Variants in VAV3 observed in about 807,000 individuals in gnomAD.
The protein encoded by VAV3 is vav guanine nucleotide exchange factor 3, also known as guanine nucleotide exchange factor VAV3.
Under a neutral mutation model 131.2 loss-of-function variants are expected in VAV3, and 94 were observed. The ratio of observed to expected loss-of-function variants is 0.72; its 90% confidence interval spans 0.61 to 0.85. The LOEUF (loss-of-function observed/expected upper bound fraction) is 0.85, where lower values mean the gene tolerates loss of function less well. VAV3 is among the 40% of genes least tolerant of loss of function. The pLI, the probability that VAV3 is intolerant of heterozygous loss-of-function variation, is 0.00. For missense variants in VAV3, 939 were observed against 1,002.7 expected (o/e 0.94, Z 0.86); for synonymous variants, 349 against 342.0 (o/e 1.02, Z -0.22).
chr1:107,615,472 G>T (rs1451212313), intron 21 of VAV3, among the ~76,000 whole-genome samples: 1 of 152,108 alleles, frequency 6.6e-6, no homozygotes, highest in Non-Finnish European at 1.5e-5. Flanking sequence ...GAAGACAAAT[G>T]TAAATCCTAA....
intron 19 of VAV3, among the ~76,000 whole-genome samples, chr1:107,643,149 C>T (rs972393670): frequency 6.6e-6 from 1 of 152,164 alleles, no homozygotes; most frequent in African/African-American, 2.4e-5. Context: ...CTGATTTCAT[C>T]ACTGAGGAGG....
rs369192444 is a variant in VAV3, at chr1:107,777,187, A to G, written c.446+44T>C. ...CACAGTTAAAACCCACAATGGACAC[A>G]TAAATTGGCAGTGGCTAAATTTTGC... On this transcript the variant is annotated intron_variant, in intron 4 of 26. Transcript: ENST00000370056. 5 of 1,551,990 alleles carry G rather than the reference A, an allele frequency of 3.2e-6. No homozygotes were observed. In the African/African-American group the frequency reaches 6.8e-5, roughly 21 times the overall value.
chr1:107,774,462 G>C (rs1294831039), intron 4 of VAV3, among the ~76,000 whole-genome samples: 1 of 152,228 alleles, frequency 6.6e-6, no homozygotes, highest in Non-Finnish European at 1.5e-5. Flanking sequence ...CACAAGACTG[G>C]TCTAGAACTG....
intron 22 of VAV3, among the ~76,000 whole-genome samples, chr1:107,606,515 C>T (rs1205472198): frequency 6.6e-6 from 1 of 151,992 alleles, no homozygotes; most frequent in Non-Finnish European, 1.5e-5. Flanking sequence ...TAATTGCTGC[C>T]CTTGGTTTTC....
intron 22 of VAV3, among the ~76,000 whole-genome samples, chr1:107,604,496 A>G (rs1431997814): frequency 6.6e-6 from 1 of 152,138 alleles, no homozygotes; most frequent in African/African-American, 2.4e-5. Context: ...CTTCATCACT[A>G]GTCTCCAGCC....
At chr1:107,872,369 T>C (rs940265624) in intron 2 of VAV3, among the ~76,000 whole-genome samples, 2 of 152,194 alleles carry the variant, frequency 1.3e-5, no homozygotes, top group South Asian at 2.1e-4. Flanking sequence ...CAAATACACA[T>C]GAATTCCAGA....
At chr1:107,847,067 A>G (rs569691605) in intron 2 of VAV3, among the ~76,000 whole-genome samples, 3 of 152,316 alleles carry the variant, frequency 2.0e-5, no homozygotes, top group East Asian at 3.9e-4. Flanking sequence ...ATCATAAAAA[A>G]CAGTCTCTCA....
In VAV3 at chr1:107,634,914, A is replaced by T. The variant is rs564581028; in HGVS notation, c.1914+7705T>A. ...TCAGAGAAATGCAAATCAAAACCAC[A>T]ACGAGATACCATCTCACACCAGTTA... On this transcript the variant is annotated intron_variant, in intron 20 of 26. Coordinates refer to ENST00000370056, the MANE Select transcript of VAV3 (RefSeq NM_006113.5). 7.2e-5 allele frequency among the ~76,000 whole-genome samples: 11 copies of T among 152,104 alleles called. No individual in the cohort carries two copies. In the East Asian group the frequency reaches 2.1e-3, roughly 29 times the overall value.
At chr1:107,902,162 A>C (rs946952034) in intron 1 of VAV3, among the ~76,000 whole-genome samples, 9 of 152,258 alleles carry the variant, frequency 5.9e-5, no homozygotes, top group African/African-American at 2.2e-4. Context: ...AAGCTTAAGA[A>C]CTTCTGCTAA....
At chr1:107,573,909 A>T in intron 26 of VAV3, 138 bp downstream of exon 26, 1 of 1,101,352 alleles carries the variant, frequency 9.1e-7, no homozygotes, top group Non-Finnish European at 1.3e-6. Context: ...ACACAGCACC[A>T]GTTTCCAGAG....
At chr1:107,839,808 C>T (rs923289736) in intron 2 of VAV3, among the ~76,000 whole-genome samples, 4 of 151,998 alleles carry the variant, frequency 2.6e-5, no homozygotes, top group Admixed American at 1.3e-4. Flanking sequence ...AGAAAGATGA[C>T]ACAAATTGCT....
At chr1:107,736,693 C>G (rs201820314) in intron 15 of VAV3, among the ~76,000 whole-genome samples, 2 of 149,400 alleles carry the variant, frequency 1.3e-5, no homozygotes, top group South Asian at 2.1e-4. Flanking sequence ...CACTGCTCAA[C>G]GAAATAAAAG....
Position 107,965,037 on chromosome 1 carries a change from G to A in VAV3, c.-168C>T, listed in dbSNP as rs886686401. On this transcript the variant is annotated 5_prime_UTR_variant, in exon 1 of 27. Coordinates refer to ENST00000370056, the MANE Select transcript of VAV3 (RefSeq NM_006113.5). ...GCGGCTGACGGGTCGCGGGCGCCGC[G>A]CTAGGCTCGGCTCCGGTCCCGGCCC... 30 of 343,078 alleles carry A rather than the reference G, an allele frequency of 8.7e-5. No individual in the cohort carries two copies. Among genetic ancestry groups the A allele is most frequent in the African/African-American group, 6.5e-4 (29 of 44,646 alleles). The allele number at this position is 343,078 out of a possible 1,614,324, so 21.3% of individuals were successfully genotyped here. A position where few individuals can be genotyped will look rare whatever the true frequency, so the allele number is the denominator to read the frequency against.
At chr1:107,689,951 T>G (rs1045151075) in intron 17 of VAV3, among the ~76,000 whole-genome samples, 3 of 152,082 alleles carry the variant, frequency 2.0e-5, no homozygotes, top group Non-Finnish European at 4.4e-5. Context: ...ATATCCCTAT[T>G]CCCCTACTGG....
At chr1:107,759,898 A>G (rs1224027326) in intron 10 of VAV3, among the ~76,000 whole-genome samples, 1 of 152,144 alleles carries the variant, frequency 6.6e-6, no homozygotes, top group Admixed American at 6.5e-5. Flanking sequence ...TGATTGCCTG[A>G]GTCGTCCTTA....
intron 19 of VAV3, among the ~76,000 whole-genome samples, chr1:107,653,986 A>G (rs972466315): frequency 1.3e-5 from 2 of 152,086 alleles, no homozygotes; most frequent in Non-Finnish European, 2.9e-5. Flanking sequence ...CGAAAACACT[A>G]CATGCTAGCA....
At chr1:107,962,675 A>C (rs753839424) in intron 1 of VAV3, among the ~76,000 whole-genome samples, 3 of 152,226 alleles carry the variant, frequency 2.0e-5, no homozygotes, top group Non-Finnish European at 4.4e-5. Flanking sequence ...CACCAGGCTC[A>C]GGTACTAGCC....
At chr1:107,905,580 T>C (rs10494083) in intron 1 of VAV3, among the ~76,000 whole-genome samples, 45,050 of 152,044 alleles carry the variant, frequency 0.3, 7,004 homozygotes, top group African/African-American at 0.41. Context: ...TTTACATTGC[T>C]GCCCAGATTG....
At chr1:107,917,051 T>C (rs1481656034) in intron 1 of VAV3, among the ~76,000 whole-genome samples, 2 of 152,070 alleles carry the variant, frequency 1.3e-5, no homozygotes, top group African/African-American at 4.8e-5. Context: ...AATTTAAATA[T>C]CAAACTGAGG....
Sources: allele counts gnomAD v4.1 joint callset (sites outside exome capture counted in the v4.1 genomes callset), GRCh38; gene constraint gnomAD v4.1.1; transcripts MANE v1.5; gene names NCBI Gene and HGNC (gene_info 2026-07-23, HGNC 2026-07-21).